Variants in FUBP3 observed in about 807,000 individuals in gnomAD.
FUBP3 encodes the protein far upstream element-binding protein 3.
A neutral mutation model predicts 85.6 loss-of-function variants in FUBP3; 28 were observed. The observed-to-expected ratio is 0.33, with a 90% CI of 0.24 to 0.45. FUBP3 has a LOEUF of 0.45. FUBP3 is among the 20% of genes least tolerant of loss of function. FUBP3 has a pLI of 1.00. For missense variants in FUBP3, 583 were observed against 755.1 expected (o/e 0.77, Z 2.67); for synonymous variants, 271 against 271.4 (o/e 1.00, Z 0.01).
intron 12 of FUBP3, among the ~76,000 whole-genome samples, chr9:130,627,639 G>T (rs757423417): frequency 6.6e-6 from 1 of 152,214 alleles, no homozygotes; most frequent in African/African-American, 2.4e-5. Context: ...TTGCCGGCAG[G>T]TGTGCGGGCT....
chr9:130,590,021 A>ATTTTTTTTTT lies in FUBP3; in HGVS notation c.85-5441_85-5432dup, dbSNP rs60878897. Among the ~76,000 whole-genome samples the ATTTTTTTTTT allele has an allele frequency of 2.0e-4, 9 of 45,994 alleles. 1 individual carries two copies. Among genetic ancestry groups the ATTTTTTTTTT allele is most frequent in the African/African-American group, 6.7e-4 (7 of 10,450 alleles). The allele number at this position is 45,994 out of a possible 152,430, so 30.2% of individuals were successfully genotyped here. A position where few individuals can be genotyped will look rare whatever the true frequency, so the allele number is the denominator to read the frequency against. ...TGAGCCACCACACCCGGCCTATTTA[A>ATTTTTTTTTT]TTTTTTTTTTTTTTTTTTTTTTTTT... On this transcript the variant is annotated intron_variant, in intron 1 of 18. Transcript: ENST00000319725.
chr9:130,606,507 G>A (rs926817224), intron 2 of FUBP3, among the ~76,000 whole-genome samples: 4 of 152,158 alleles, frequency 2.6e-5, no homozygotes, highest in Non-Finnish European at 5.9e-5. Flanking sequence ...GTGCTGGGGT[G>A]GGAGTGGGGG....
In FUBP3 at chr9:130,616,166, C is replaced by G. The variant is rs1831998029; in HGVS notation, c.405-189C>G. On this transcript the variant is annotated intron_variant, in intron 6 of 18. Coordinates refer to ENST00000319725, the MANE Select transcript of FUBP3 (RefSeq NM_003934.2). This position sits in a 1 kb window ranked among gnomAD's most constrained non-coding sequence, Gnocchi z 4.7. ...AGCGTTGGTACTGTGGTGTGTGTTG[C>G]TTTTAAATTCCAGCCCGGTAGCGTG... is the stretch of plus-strand genomic sequence containing the variant. 6.6e-6 allele frequency among the ~76,000 whole-genome samples: 1 copy of G among 152,298 alleles called. No homozygotes were observed. Among genetic ancestry groups the G allele is most frequent in the Admixed American group, 6.5e-5 (1 of 15,300 alleles).
At chr9:130,629,984 A>G (rs1159686726) in intron 12 of FUBP3, among the ~76,000 whole-genome samples, 1 of 152,218 alleles carries the variant, frequency 6.6e-6, no homozygotes, top group Admixed American at 6.5e-5. Flanking sequence ...AAAGAGACCA[A>G]CTGAATTTTT....
At chr9:130,620,298 A>G (rs1829693710) in intron 8 of FUBP3, 56 bp from the exon 9 acceptor site, 6 of 1,002,964 alleles carry the variant, frequency 6.0e-6, no homozygotes, top group South Asian at 1.5e-5. Context: ...TCACCTGGTG[A>G]TGTATCTTTT....
rs897392229 is a variant in FUBP3 at position 130,579,648 on chromosome 9, T to TCGGCGGCGGCGGCGA, written c.-23_-9dup. 2.5e-6 allele frequency: 3 copies of TCGGCGGCGGCGGCGA among 1,209,934 alleles called. No homozygotes were observed. The highest frequency in any genetic ancestry group is 2.1e-6 in the Non-Finnish European group (2 of 965,604). 74.9% of individuals were successfully genotyped at this position (1,209,934 alleles called of 1,614,324 possible). ...GAGCCGAGCGGCGGCGTCGGCGGCGTCGGCGGCGGCGGCGACGGCGGCGGG... is the reference window on the plus strand; with the variant it reads ...GAGCCGAGCGGCGGCGTCGGCGGCGTCGGCGGCGGCGGCGACGGCGGCGGCGGCGACGGCGGCGGG... On this transcript the variant is annotated 5_prime_UTR_variant, in exon 1 of 19. Coordinates refer to ENST00000319725, the MANE Select transcript of FUBP3 (RefSeq NM_003934.2).
chr9:130,603,347 CAA>C (rs34850259), intron 2 of FUBP3, among the ~76,000 whole-genome samples: 46 of 83,826 alleles, frequency 5.5e-4, no homozygotes, highest in Non-Finnish European at 8.2e-4. Context: ...ACTCTGTCTC[CAA>C]AAAAAAAAAA....
intron 8 of FUBP3, among the ~76,000 whole-genome samples, chr9:130,618,492 G>A (rs1054665836): frequency 5.9e-5 from 9 of 152,242 alleles, no homozygotes; most frequent in Non-Finnish European, 1.3e-4. Context: ...GGACAGCCCC[G>A]CTGGCTGGAA....
intron 1 of FUBP3, among the ~76,000 whole-genome samples, chr9:130,589,701 ATATATTTT>A (rs1171282144): frequency 3.6e-5 from 1 of 28,036 alleles, no homozygotes; most frequent in South Asian, 9.3e-4. Flanking sequence ...ATATATATAT[ATATATTTT>A]TTTTTTTTTT....
At chr9:130,600,092 C>T (rs1186350860) in intron 2 of FUBP3, among the ~76,000 whole-genome samples, 1 of 140,510 alleles carries the variant, frequency 7.1e-6, no homozygotes, top group African/African-American at 3.0e-5. Flanking sequence ...TCTACCTTTT[C>T]CTTCCTTCCT....
At chr9:130,579,874 A>AGCCGG (rs1830056607) in intron 1 of FUBP3, 110 bp downstream of exon 1, 2 of 644,900 alleles carry the variant, frequency 3.1e-6, no homozygotes, top group East Asian at 3.5e-5. Flanking sequence ...CCGACGTCTC[A>AGCCGG]GCCGGGCCGG....
chr9:130,636,875 G>T, intron 18 of FUBP3, 139 bp from the exon 19 acceptor site: 1 of 738,344 alleles, frequency 1.4e-6, no homozygotes. Context: ...AGTCCCTAGT[G>T]GAGAGAGAAG....
chr9:130,617,675 C>A, intron 7 of FUBP3, 122 bp from the exon 8 acceptor site: 6 of 739,416 alleles, frequency 8.1e-6, no homozygotes, highest in East Asian at 2.6e-5. Context: ...GGTTGGAAGG[C>A]AGTCCCTGGT....
chr9:130,609,530 G>A (rs1831638518), intron 2 of FUBP3, among the ~76,000 whole-genome samples: 1 of 152,226 alleles, frequency 6.6e-6, no homozygotes, highest in African/African-American at 2.4e-5. Flanking sequence ...GACTACAGCT[G>A]CTGTGGAGCA....
chr9:130,606,559 G>A (rs556737402), intron 2 of FUBP3, among the ~76,000 whole-genome samples: 183 of 152,220 alleles, frequency 1.2e-3, no homozygotes, highest in Non-Finnish European at 1.9e-3. Flanking sequence ...GGTGGCTCAC[G>A]CCTGTAATCC....
chr9:130,630,757 T>G lies in FUBP3; in HGVS notation c.1247T>G (p.Val416Gly), dbSNP rs377058050. Residue 416 changes from valine to glycine, a missense_variant, in exon 13 of 19, where the codon GTG becomes GGG. Transcript: ENST00000319725. ...AGGGGGGTTCCCCAGCAGATCGAGG[T>G]GGCCAGGCAGCTCATAGATGAGAAA... ...TIRGVPQQIEVARQLIDEKVG... is the reference protein window; with the variant it reads ...TIRGVPQQIEGARQLIDEKVG... 17 of 1,543,544 alleles carry G rather than the reference T, an allele frequency of 1.1e-5. No individual in the cohort carries two copies. Among genetic ancestry groups the G allele is most frequent in the Non-Finnish European group, 1.5e-5 (17 of 1,146,806 alleles).
chr9:130,621,924 A>C (rs1178446529), intron 9 of FUBP3, among the ~76,000 whole-genome samples: 2 of 151,874 alleles, frequency 1.3e-5, no homozygotes, highest in African/African-American at 4.9e-5. Flanking sequence ...GAAAAAAAAA[A>C]GAACGCAGTT....
Position 130,595,226 on chromosome 9 carries a change from CAAAAAA to C in FUBP3, c.85-243_85-238del, listed in dbSNP as rs10585883. The stretch of plus-strand genomic sequence containing the variant: ...GGGCAACAAGAGCGAAACTCCGTCT[CAAAAAA>C]AAAAAAAAAAAAAGGATACTAATTT... On this transcript the variant is annotated intron_variant, in intron 1 of 18. Transcript: ENST00000319725. Among the ~76,000 whole-genome samples the C allele has an allele frequency of 9.9e-5, 10 of 100,836 alleles. No individual in the cohort carries two copies. In the South Asian group the frequency reaches 3.0e-3, roughly 30 times the overall value. 66.2% of individuals were successfully genotyped at this position (100,836 alleles called of 152,430 possible). A position where few individuals can be genotyped will look rare whatever the true frequency, so the allele number is the denominator to read the frequency against.
chr9:130,595,493 A>G lies in FUBP3; in HGVS notation c.95A>G (p.Lys32Arg). ...ALHRVRQIAA[K>R]IDSIPHLNNS... Reference sequence around the variant, plus strand: ...TGATTCTCTCTGTAGATTGCTGCTAAAATTGATTCAATTCCTCACTTGAAT... The same window carrying G: ...TGATTCTCTCTGTAGATTGCTGCTAGAATTGATTCAATTCCTCACTTGAAT... Residue 32 changes from lysine to arginine, a missense_variant, in exon 2 of 19, where the codon AAA (lysine) becomes AGA (arginine). Physicochemically the swap from Lys to Arg is conservative, Grantham distance 26. Transcript: ENST00000319725. The G allele has an allele frequency of 1.3e-6, 2 of 1,517,224 alleles. No individual in the cohort carries two copies. The highest frequency in any genetic ancestry group is 1.8e-6 in the Non-Finnish European group (2 of 1,091,558). The allele number at this position is 1,517,224 out of a possible 1,614,324, so 94.0% of individuals were successfully genotyped here.
Sources: gnomAD v4.1 joint callset for allele counts (sites outside exome capture counted in the v4.1 genomes callset) on GRCh38, gnomAD v4.1.1 for gene constraint, Gnocchi (gnomAD v3.1) non-coding constraint, MANE v1.5 for transcripts, NCBI Gene and HGNC (gene_info 2026-07-23, HGNC 2026-07-21) for gene names.